HPSE2: variants seen among roughly 807,000 people sequenced by gnomAD.
The protein encoded by HPSE2 is heparanase 2 (inactive).
In HPSE2, 38 loss-of-function variants were observed where a neutral mutation model predicts 60.5. The observed-to-expected ratio is 0.63, with a 90% CI of 0.48 to 0.82. HPSE2 has a LOEUF of 0.82. Among genes scored for constraint, HPSE2 ranks in the 40% least tolerant of loss-of-function variants. HPSE2 has a pLI of 0.00. For synonymous variants in HPSE2, 295 were observed against 293.2 expected (o/e 1.01, Z -0.06); for missense variants, 713 against 740.4 (o/e 0.96, Z 0.43).
intron 6 of HPSE2, among the ~76,000 whole-genome samples, chr10:98,645,659 T>C (rs1042723785): frequency 6.6e-6 from 1 of 152,194 alleles, no homozygotes; most frequent in African/African-American, 2.4e-5. Flanking sequence ...GAATTCAGTA[T>C]CACTTTTAAG....
At chr10:99,247,896 C>A in the HPSE2 span, among the ~76,000 whole-genome samples, 1 of 152,180 alleles carries the variant, frequency 6.6e-6, no homozygotes, top group Non-Finnish European at 1.5e-5. Context: ...CTATCCCAGG[C>A]TCCAGCCATG....
chr10:98,536,302 G>A (rs141702415), intron 9 of HPSE2, among the ~76,000 whole-genome samples: 179 of 152,290 alleles, frequency 1.2e-3, no homozygotes, highest in Admixed American at 4.0e-3. Flanking sequence ...TTTATTATTC[G>A]AAAGATCATT....
intron 9 of HPSE2, among the ~76,000 whole-genome samples, chr10:98,570,930 A>C (rs1469548376): frequency 3.3e-5 from 5 of 152,202 alleles, no homozygotes; most frequent in Admixed American, 2.6e-4. Flanking sequence ...GTAGTGCTGC[A>C]CAGTGTAGAA....
chr10:98,723,785 G>C (rs146051041), intron 4 of HPSE2, among the ~76,000 whole-genome samples: 2,293 of 152,240 alleles, frequency 0.015, 30 homozygotes, highest in African/African-American at 0.03. Flanking sequence ...ATGATAGTTT[G>C]TATGTCTGTG....
intron 3 of HPSE2, among the ~76,000 whole-genome samples, chr10:98,852,770 T>G (rs1202253323): frequency 1.3e-5 from 2 of 152,202 alleles, no homozygotes; most frequent in Non-Finnish European, 2.9e-5. Context: ...CTAGTTTGTT[T>G]TTTTCTACAC....
intron 3 of HPSE2, among the ~76,000 whole-genome samples, chr10:98,771,601 T>A (rs1950242312): frequency 6.6e-6 from 1 of 152,158 alleles, no homozygotes; most frequent in Non-Finnish European, 1.5e-5. Context: ...TTATGAAAAT[T>A]AGCTAAGATG....
At chr10:98,883,298 AAAG>A (rs369607904) in intron 3 of HPSE2, among the ~76,000 whole-genome samples, 21 of 152,286 alleles carry the variant, frequency 1.4e-4, no homozygotes, top group African/African-American at 4.6e-4. Flanking sequence ...TGGGTGTTAT[AAAG>A]AAGATTCCAA....
chr10:99,206,160 T>C (rs1030910713), intron 2 of HPSE2, among the ~76,000 whole-genome samples: 2 of 152,136 alleles, frequency 1.3e-5, no homozygotes, highest in African/African-American at 2.4e-5. Context: ...GAAAACAGAA[T>C]AGGAAATCTG....
intron 9 of HPSE2, among the ~76,000 whole-genome samples, chr10:98,571,738 C>T (rs1402494492): frequency 6.6e-6 from 1 of 152,102 alleles, no homozygotes; most frequent in Non-Finnish European, 1.5e-5. Context: ...TCAAAGGTGC[C>T]TTCGAGACAA....
At chr10:99,185,096 T>G (rs969385925) in intron 2 of HPSE2, among the ~76,000 whole-genome samples, 11 of 151,190 alleles carry the variant, frequency 7.3e-5, no homozygotes, top group Non-Finnish European at 1.5e-4. Context: ...GGTCAGGAGT[T>G]CAAGACCAGC....
intron 2 of HPSE2, among the ~76,000 whole-genome samples, chr10:99,164,852 G>A (rs530643348): frequency 5.9e-5 from 9 of 152,090 alleles, no homozygotes; most frequent in Middle Eastern, 3.4e-3. Flanking sequence ...TTGGGAGGCC[G>A]ACGTGGGCGG....
intron 3 of HPSE2, among the ~76,000 whole-genome samples, chr10:99,040,829 G>A (rs1957720630): frequency 6.6e-6 from 1 of 152,178 alleles, no homozygotes; most frequent in Non-Finnish European, 1.5e-5. Flanking sequence ...GCTCACGCCT[G>A]TAATCCCAGC....
intron 7 of HPSE2, among the ~76,000 whole-genome samples, chr10:98,638,077 T>C (rs991695611): frequency 7.1e-6 from 1 of 140,186 alleles, no homozygotes; most frequent in African/African-American, 2.7e-5. Flanking sequence ...GAGGCTGAGG[T>C]TCAGTGAGCT....
chr10:98,813,599 C>T (rs1396593145), intron 3 of HPSE2, among the ~76,000 whole-genome samples: 1 of 152,150 alleles, frequency 6.6e-6, no homozygotes, highest in Non-Finnish European at 1.5e-5. Flanking sequence ...AATTTAAGGA[C>T]AGAGATTCTG....
chr10:99,236,002 TTTTTTTTTTAA>T (rs1849840305), upstream of HPSE2: 13 of 503,034 alleles, frequency 2.6e-5, no homozygotes, highest in Admixed American at 3.6e-5. Flanking sequence ...TTTTTTTCTT[TTTTTTTTTTAA>T]TTTTTTTTAA....
chr10:99,227,859 A>C, intron 2 of HPSE2, among the ~76,000 whole-genome samples: 1 of 109,652 alleles, frequency 9.1e-6, no homozygotes, highest in Non-Finnish European at 2.0e-5. Context: ...ATAAAGTTGA[A>C]TGTGTATATA....
chr10:99,289,623 A>T, the HPSE2 span, among the ~76,000 whole-genome samples: 2 of 152,216 alleles, frequency 1.3e-5, no homozygotes, highest in African/African-American at 4.8e-5. Context: ...AGGTTTTCCA[A>T]TCACAGATGA....
chr10:98,919,619 G>T (rs1954223958), intron 3 of HPSE2, among the ~76,000 whole-genome samples: 2 of 152,144 alleles, frequency 1.3e-5, no homozygotes, highest in South Asian at 4.1e-4. Flanking sequence ...AATCATTTTA[G>T]ATTAATCAAT....
intron 3 of HPSE2, among the ~76,000 whole-genome samples, chr10:98,986,623 G>C (rs1185250429): frequency 1.4e-5 from 2 of 146,538 alleles, no homozygotes; most frequent in East Asian, 2.0e-4. Context: ...GCTAGCAGAA[G>C]GCAAGAAATA....
Sources: allele counts gnomAD v4.1 joint callset (sites outside exome capture counted in the v4.1 genomes callset), GRCh38; gene constraint gnomAD v4.1.1; transcripts MANE v1.5; gene names NCBI Gene and HGNC (gene_info 2026-07-23, HGNC 2026-07-21).